SMAGP: variants seen among roughly 807,000 people sequenced by gnomAD.
The protein encoded by SMAGP is small cell transmembrane and glycosylated protein.
In SMAGP, 7 loss-of-function variants were observed where a neutral mutation model predicts 10.1. The observed-to-expected ratio is 0.70, with a 90% confidence interval of 0.40 to 1.31. The LOEUF is 1.31. Ranked by LOEUF, SMAGP falls within the 50% of genes most tolerant of loss-of-function variation. The pLI, the probability that SMAGP is intolerant of heterozygous loss-of-function variation, is 0.01. For missense variants in SMAGP, 113 were observed against 116.5 expected (o/e 0.97, Z 0.14); for synonymous variants, 49 against 47.2 (o/e 1.04, Z -0.16).
chr12:51,256,613 G>A (rs529331991), intron 2 of SMAGP, among the ~76,000 whole-genome samples: 90 of 152,052 alleles, frequency 5.9e-4, no homozygotes, highest in African/African-American at 1.9e-3. Context: ...CCAGCTACTC[G>A]GGAGGCTGAG....
At chr12:51,269,503 G>C in intron 1 of SMAGP, 187 bp from the exon 2 acceptor site, 1 of 567,384 alleles carries the variant, frequency 1.8e-6, no homozygotes, top group East Asian at 3.0e-5. Context: ...ACAGGAGCAG[G>C]TCTGAGGCCG....
chr12:51,267,681 G>A (rs1426919210), intron 2 of SMAGP, among the ~76,000 whole-genome samples: 1 of 151,944 alleles, frequency 6.6e-6, no homozygotes, highest in Non-Finnish European at 1.5e-5. Context: ...TTTTTGTAGA[G>A]ATGGGGTTTC....
chr12:51,260,674 G>A (rs1164189242), intron 2 of SMAGP, among the ~76,000 whole-genome samples: 8 of 138,946 alleles, frequency 5.8e-5, no homozygotes, highest in East Asian at 4.5e-4. Context: ...CACCGCGCCC[G>A]GCCAATTTTT....
intron 3 of SMAGP, 31 bp downstream of exon 3, chr12:51,246,720 G>A: frequency 4.0e-6 from 6 of 1,498,538 alleles, no homozygotes; most frequent in Non-Finnish European, 4.5e-6. Flanking sequence ...TGATCCAGAA[G>A]GTCCCTTGGA....
At chr12:51,246,473 C>T in intron 3 of SMAGP, 1 of 433,332 alleles carries the variant, frequency 2.3e-6, no homozygotes, top group South Asian at 5.1e-5. Flanking sequence ...ACCCACTCAA[C>T]CAACCACATA....
chr12:51,265,948 G>A (rs1043311410), intron 2 of SMAGP, among the ~76,000 whole-genome samples: 3 of 152,170 alleles, frequency 2.0e-5, no homozygotes, highest in African/African-American at 7.2e-5. Flanking sequence ...CGGGCGTGGT[G>A]GTGGGCGCCT....
chr12:51,254,756 AG>A (rs926807006), intron 2 of SMAGP, among the ~76,000 whole-genome samples: 9 of 152,104 alleles, frequency 5.9e-5, no homozygotes, highest in African/African-American at 2.2e-4. Flanking sequence ...AGTCATGCAA[AG>A]AGCTGATTGA....
chr12:51,245,984 C>A lies in SMAGP; in HGVS notation c.251G>T (p.Ser84Ile), dbSNP rs373627543. The A allele has an allele frequency of 3.1e-6, 5 of 1,613,798 alleles. No homozygotes were observed. The African/African-American group carries it at 5.3e-5, about 17-fold the overall frequency. Residue 84 changes from serine (S) to isoleucine (I), a missense_variant, in exon 4 of 4, where the codon AGT becomes ATT. Ser to Ile is a moderately radical substitution (Grantham distance 142). Coordinates refer to ENST00000603798, the MANE Select transcript of SMAGP (RefSeq NM_001031628.2). The stretch of plus-strand genomic sequence containing the variant: ...TTTCTCGCTGCCCTTGGCCAAGTCA[C>A]TCTCCATCTGGACGATGGCACTGGG... The part of the protein sequence containing the change: ...GEPSAIVQME[S>I]DLAKGSEKEE...
rs11169778 is a variant in SMAGP at position 51,248,072 on chromosome 12, C to T, written c.35-1241G>A. Among the ~76,000 whole-genome samples, 552 of 152,224 alleles carry T rather than the reference C, an allele frequency of 3.6e-3. 2 individuals carry two copies. Among genetic ancestry groups the T allele is most frequent in the African/African-American group, 0.012 (515 of 41,516 alleles). On this transcript the variant is annotated intron_variant, in intron 2 of 3. Coordinates refer to ENST00000603798, the MANE Select transcript of SMAGP (RefSeq NM_001031628.2). ...TGAGACCAGGGGACTCAAAGGCCAGCGTGGCCCGAGCGCGGTGTGAGCATG... is the reference window on the plus strand; with the variant it reads ...TGAGACCAGGGGACTCAAAGGCCAGTGTGGCCCGAGCGCGGTGTGAGCATG...
chr12:51,266,988 C>T (rs1218521016), intron 2 of SMAGP, among the ~76,000 whole-genome samples: 1 of 152,104 alleles, frequency 6.6e-6, no homozygotes, highest in African/African-American at 2.4e-5. Context: ...TGGTAGCGCA[C>T]GCCTGTAATT....
intron 3 of SMAGP, chr12:51,246,373 G>A: frequency 2.0e-6 from 1 of 498,028 alleles, no homozygotes. Flanking sequence ...TCCCAAACCA[G>A]TTCCTGATTC....
At chr12:51,266,511 T>A (rs1423773501) in intron 2 of SMAGP, among the ~76,000 whole-genome samples, 2 of 152,038 alleles carry the variant, frequency 1.3e-5, no homozygotes, top group Admixed American at 1.3e-4. Flanking sequence ...CTAAGATCTA[T>A]AGTAAATAAG....
intron 2 of SMAGP, among the ~76,000 whole-genome samples, chr12:51,252,902 G>A (rs1944853049): frequency 6.6e-6 from 1 of 152,062 alleles, no homozygotes; most frequent in Non-Finnish European, 1.5e-5. Flanking sequence ...GAGAAGCAAA[G>A]AAACCCAGCA....
intron 2 of SMAGP, among the ~76,000 whole-genome samples, chr12:51,248,434 ACTCTCTCTCT>A (rs56012746): frequency 0.014 from 1,109 of 77,482 alleles, 4 homozygotes; most frequent in Non-Finnish European, 0.018. Context: ...ACACACACAC[ACTCTCTCTCT>A]CTCTCTCTCT....
At chr12:51,248,145 G>T (rs142467525) in intron 2 of SMAGP, among the ~76,000 whole-genome samples, 1 of 152,252 alleles carries the variant, frequency 6.6e-6, no homozygotes, top group East Asian at 1.9e-4. Context: ...CACAGCAAGT[G>T]AAATGAGGGT....
At chr12:51,255,731 A>T (rs1944879033) in intron 2 of SMAGP, among the ~76,000 whole-genome samples, 2 of 152,224 alleles carry the variant, frequency 1.3e-5, no homozygotes, top group African/African-American at 4.8e-5. Context: ...TGTACCCTGC[A>T]CAAGTGCACA....
At chr12:51,263,439 T>A (rs554754403) in intron 2 of SMAGP, among the ~76,000 whole-genome samples, 15 of 151,902 alleles carry the variant, frequency 9.9e-5, no homozygotes, top group Middle Eastern at 3.4e-3. Context: ...AGTTTTTCCT[T>A]CCGTAAAATG....
rs144330618 is a variant in SMAGP at position 51,268,553 on chromosome 12, TCTTCCTTC to T, written c.34+684_34+691del. On this transcript the variant is annotated intron_variant, in intron 2 of 3. Transcript: ENST00000603798. ...CCCTTCCTTTAGGCTTATACAATAA[TCTTCCTTC>T]CTTCCTTCCTTCCTTCCTTTCCTTT... Among the ~76,000 whole-genome samples, 521 of 148,516 alleles carry T rather than the reference TCTTCCTTC, an allele frequency of 3.5e-3. 2 individuals are homozygous for T. Among genetic ancestry groups the T allele is most frequent in the African/African-American group, 0.012 (492 of 40,256 alleles).
At chr12:51,264,849 T>G (rs1026057631) in intron 2 of SMAGP, among the ~76,000 whole-genome samples, 1 of 150,598 alleles carries the variant, frequency 6.6e-6, no homozygotes, top group African/African-American at 2.4e-5. Context: ...GGAGAATTGC[T>G]TGAACCCGGG....
Sources: gnomAD v4.1 joint callset for allele counts (sites outside exome capture counted in the v4.1 genomes callset) on GRCh38, gnomAD v4.1.1 for gene constraint, MANE v1.5 for transcripts, NCBI Gene and HGNC (gene_info 2026-07-23, HGNC 2026-07-21) for gene names.